PPM1G: variants seen among roughly 807,000 people sequenced by gnomAD.
PPM1G encodes the protein protein phosphatase 1G.
PPM1G carries 12 observed loss-of-function variants against 59.4 expected under a neutral mutation model. That is an observed-to-expected ratio of 0.20 (90% CI 0.13 to 0.33). PPM1G has a LOEUF of 0.33. Ranked by LOEUF, PPM1G falls within the 10% of genes least tolerant of loss-of-function variation. The pLI is 1.00. For missense variants in PPM1G, 392 were observed against 681.3 expected, an observed-to-expected ratio of 0.58 and a Z score of 4.73; for synonymous variants, 245 against 251.9, an observed-to-expected ratio of 0.97 and a Z score of 0.26.
intron 1 of PPM1G, among the ~76,000 whole-genome samples, chr2:27,394,598 G>GC (rs1348816344): frequency 6.6e-6 from 1 of 151,924 alleles, no homozygotes; most frequent in African/African-American, 2.4e-5. Context: ...AGGAGTGGTG[G>GC]CACGCGCCTG....
At chr2:27,405,246 G>C (rs549334338) in intron 1 of PPM1G, among the ~76,000 whole-genome samples, 8 of 151,802 alleles carry the variant, frequency 5.3e-5, no homozygotes, top group Admixed American at 3.3e-4. Flanking sequence ...GCTAATTCTT[G>C]TATTTTAGAA....
At chr2:27,391,133 C>G (rs1683890608) in intron 1 of PPM1G, among the ~76,000 whole-genome samples, 1 of 152,178 alleles carries the variant, frequency 6.6e-6, no homozygotes, top group South Asian at 2.1e-4. Flanking sequence ...GTGAATGGTG[C>G]CACAATGAAC....
chr2:27,383,293 T>G lies in PPM1G; in HGVS notation c.1201+73A>C. ...TGAAAGGCACAAGCACTAGGAAGAT[T>G]AAAGTTTGCTACTAGGTAGTCTGGG... On this transcript the variant is annotated intron_variant, in intron 7 of 9. Transcript: ENST00000344034. The surrounding 1 kb of genome is among the most constrained non-coding windows in gnomAD (Gnocchi z 5.0). 7.3e-7 allele frequency: 1 copy of G among 1,376,430 alleles called. No homozygotes were observed. The highest frequency in any genetic ancestry group is 1.0e-6 in the Non-Finnish European group (1 of 975,012). 85.3% of individuals were successfully genotyped at this position (1,376,430 alleles called of 1,614,324 possible). A position where few individuals can be genotyped will look rare whatever the true frequency, so the allele number is the denominator to read the frequency against.
intron 1 of PPM1G, chr2:27,393,255 A>G: frequency 1.3e-6 from 2 of 1,586,150 alleles, no homozygotes; most frequent in South Asian, 2.2e-5. Flanking sequence ...GTAGTAAGCC[A>G]CGCACAGGTA....
intron 1 of PPM1G, chr2:27,392,783 C>T: frequency 6.8e-7 from 1 of 1,463,534 alleles, no homozygotes; most frequent in Non-Finnish European, 9.4e-7. Flanking sequence ...TAGCCTGAGG[C>T]TTAGCTTTCA....
intron 1 of PPM1G, among the ~76,000 whole-genome samples, chr2:27,391,726 T>G (rs965027712): frequency 2.0e-5 from 3 of 151,882 alleles, no homozygotes; most frequent in Admixed American, 1.3e-4. Flanking sequence ...AGGATGTTCT[T>G]TTTTTCTTTC....
In PPM1G at chr2:27,383,343, T is replaced by C; in HGVS notation, c.1201+23A>G. 1 of 1,605,256 alleles carries C rather than the reference T, an allele frequency of 6.2e-7. No homozygotes were observed. Among genetic ancestry groups the C allele is most frequent in the South Asian group, 1.1e-5 (1 of 90,930 alleles). ...GACAGAGAGAAAGACCCTAGAAGTC[T>C]TTCCCAGTTTCTTGGCCCTTACCAA... On this transcript the variant is annotated intron_variant, in intron 7 of 9. Coordinates refer to ENST00000344034, the MANE Select transcript of PPM1G (RefSeq NM_177983.3). This position sits in a 1 kb window ranked among gnomAD's most constrained non-coding sequence, Gnocchi z 5.0.
chr2:27,391,123 G>C (rs1329267015), intron 1 of PPM1G, among the ~76,000 whole-genome samples: 1 of 152,224 alleles, frequency 6.6e-6, no homozygotes, highest in Non-Finnish European at 1.5e-5. Context: ...TTTTGCTATT[G>C]TGAATGGTGC....
intron 1 of PPM1G, chr2:27,392,670 T>C (rs1683944895): frequency 1.5e-6 from 1 of 687,202 alleles, no homozygotes; most frequent in South Asian, 1.5e-5. Context: ...TCAAAGAACT[T>C]AAGTGGGTGT....
rs2148418560 is a variant in PPM1G, at chr2:27,385,209, C to T, written c.410-121G>A. On this transcript the variant is annotated intron_variant, in intron 4 of 9. Transcript: ENST00000344034. The surrounding 1 kb of genome is among the most constrained non-coding windows in gnomAD (Gnocchi z 4.1). ...CCCACAACCTCCCACTCCCAAGGTTCCTCTCGCTCAAGTCTCAGAAGAACA... is the reference window on the plus strand; with the variant it reads ...CCCACAACCTCCCACTCCCAAGGTTTCTCTCGCTCAAGTCTCAGAAGAACA... The T allele has an allele frequency of 8.7e-7, 1 of 1,153,090 alleles. No homozygotes were observed. Among genetic ancestry groups the T allele is most frequent in the East Asian group, 2.5e-5 (1 of 39,804 alleles). The allele number at this position is 1,153,090 out of a possible 1,614,324, so 71.4% of individuals were successfully genotyped here.
intron 1 of PPM1G, among the ~76,000 whole-genome samples, chr2:27,389,755 G>C (rs187714219): frequency 6.6e-6 from 1 of 152,146 alleles, no homozygotes; most frequent in Non-Finnish European, 1.5e-5. Flanking sequence ...ATTGAGATCA[G>C]GAGTTGGAGA....
At position 27,383,282 on chromosome 2, in the gene PPM1G, A is replaced by G; in HGVS notation, c.1201+84T>C. The G allele has an allele frequency of 8.1e-7, 1 of 1,231,070 alleles. No individual in the cohort carries two copies. 76.3% of individuals were successfully genotyped at this position (1,231,070 alleles called of 1,614,324 possible). A position where few individuals can be genotyped will look rare whatever the true frequency, so the allele number is the denominator to read the frequency against. ...TTAAAGTGCTTTGAAAGGCACAAGC[A>G]CTAGGAAGATTAAAGTTTGCTACTA... is the stretch of plus-strand genomic sequence containing the variant. On this transcript the variant is annotated intron_variant, in intron 7 of 9. Transcript: ENST00000344034. This position sits in a 1 kb window ranked among gnomAD's most constrained non-coding sequence, Gnocchi z 5.0.
At chr2:27,393,332 G>T in intron 1 of PPM1G, 2 of 1,597,680 alleles carry the variant, frequency 1.3e-6, no homozygotes, top group Non-Finnish European at 1.7e-6. Flanking sequence ...CTTGGTGGTA[G>T]TTCTGGCGCA....
Position 27,385,672 on chromosome 2 carries a change from T to C in PPM1G, c.409+75A>G. On this transcript the variant is annotated intron_variant, in intron 4 of 9. Coordinates refer to ENST00000344034, the MANE Select transcript of PPM1G (RefSeq NM_177983.3). The surrounding 1 kb of genome is among the most constrained non-coding windows in gnomAD (Gnocchi z 4.1). ...AGGTCCCTAGAAAGCCATCCTATCT[T>C]AGAATTGATAAGTAATATTAAAGAA... 1 of 1,548,514 alleles carries C rather than the reference T, an allele frequency of 6.5e-7. No individual in the cohort carries two copies. Among genetic ancestry groups the C allele is most frequent in the Non-Finnish European group, 8.7e-7 (1 of 1,150,822 alleles).
intron 1 of PPM1G, among the ~76,000 whole-genome samples, chr2:27,403,798 G>C (rs1684238632): frequency 6.6e-6 from 1 of 151,474 alleles, no homozygotes; most frequent in Admixed American, 6.6e-5. Context: ...TGAGGCCGGA[G>C]AATCACTTAA....
chr2:27,386,787 T>C (rs1296244854), intron 2 of PPM1G: 3 of 213,846 alleles, frequency 1.4e-5, no homozygotes, highest in African/African-American at 7.0e-5. Context: ...ACTCCTGACC[T>C]CGTGATCCAC....
chr2:27,393,466 G>T (rs1304435047), intron 1 of PPM1G: 1 of 795,910 alleles, frequency 1.3e-6, no homozygotes, highest in Non-Finnish European at 2.1e-6. Flanking sequence ...ATGGTGAAGA[G>T]GTGACGGAGG....
At chr2:27,400,194 C>T (rs898991297) in intron 1 of PPM1G, among the ~76,000 whole-genome samples, 6 of 151,850 alleles carry the variant, frequency 4.0e-5, no homozygotes, top group South Asian at 2.1e-4. Context: ...CTCAGGAGTT[C>T]GAGACCGCCC....
chr2:27,406,937 G>GA (rs1224002455), intron 1 of PPM1G, among the ~76,000 whole-genome samples: 8 of 151,060 alleles, frequency 5.3e-5, no homozygotes, highest in African/African-American at 1.9e-4. Context: ...ACTTTCCTAC[G>GA]AAACTATACC....
Sources: gnomAD v4.1 joint callset for allele counts (sites outside exome capture counted in the v4.1 genomes callset) on GRCh38, gnomAD v4.1.1 for gene constraint, Gnocchi (gnomAD v3.1) non-coding constraint, MANE v1.5 for transcripts, NCBI Gene and HGNC (gene_info 2026-07-23, HGNC 2026-07-21) for gene names.